Variants in COL4A4 observed in about 807,000 individuals in gnomAD.
COL4A4 encodes the protein collagen type IV alpha 4 chain, also known as collagen alpha-4(IV) chain.
In COL4A4, 105 loss-of-function variants were observed where a neutral mutation model predicts 192.9. The ratio of observed to expected loss-of-function variants is 0.54; its 90% CI spans 0.46 to 0.64. The LOEUF is 0.64. Ranked by LOEUF, COL4A4 falls within the 30% of genes least tolerant of loss-of-function variation. The pLI, the probability that COL4A4 is intolerant of heterozygous loss-of-function variation, is 0.00. For synonymous variants in COL4A4, 762 were observed against 769.9 expected (o/e 0.99, Z 0.17); for missense variants, 1,967 against 2,169.3 (o/e 0.91, Z 1.85).
intron 9 of COL4A4, among the ~76,000 whole-genome samples, chr2:227,109,729 G>C (rs2061083567): frequency 6.7e-6 from 1 of 149,202 alleles, no homozygotes. Context: ...CCTGGCGAAA[G>C]AGCAAGACTC....
At chr2:227,125,829 G>A (rs983940486) in intron 4 of COL4A4, among the ~76,000 whole-genome samples, 2 of 152,032 alleles carry the variant, frequency 1.3e-5, no homozygotes, top group East Asian at 1.9e-4. Flanking sequence ...ACTCTCACCC[G>A]TGACTATCAT....
At chr2:227,094,378 G>T in intron 19 of COL4A4, 89 bp from the exon 20 acceptor site, 4 of 1,372,238 alleles carry the variant, frequency 2.9e-6, no homozygotes, top group Non-Finnish European at 4.0e-6. Context: ...CACTTGCTTA[G>T]GTTATCGAAT....
intron 30 of COL4A4, 85 bp downstream of exon 30, chr2:227,055,860 T>C (rs2150233285): frequency 1.6e-6 from 2 of 1,222,022 alleles, no homozygotes; most frequent in South Asian, 1.3e-5. Flanking sequence ...TAACTCTTTT[T>C]GTGTGGTCAT....
Position 227,041,778 on chromosome 2 carries a change from GGAA to G in COL4A4, c.3505+367_3505+369del, listed in dbSNP as rs1433991606. Among the ~76,000 whole-genome samples, 127 of 68,004 alleles carry G rather than the reference GGAA, an allele frequency of 1.9e-3. 8 individuals are homozygous for G. The highest frequency in any genetic ancestry group is 0.013 in the East Asian group (23 of 1,756). The allele number at this position is 68,004 out of a possible 152,430, so 44.6% of individuals were successfully genotyped here. ...AGGAAGGAAGGAAGGAAGGAAGGAA[GGAA>G]GGAAGGGAAAGAAAGAAAGAAAGGA... is the stretch of plus-strand genomic sequence containing the variant. On this transcript the variant is annotated intron_variant, in intron 37 of 47. Coordinates refer to ENST00000396625, the MANE Select transcript of COL4A4 (RefSeq NM_000092.5).
At chr2:227,104,100 T>C in intron 12 of COL4A4, 48 bp from the exon 13 acceptor site, 1 of 1,538,786 alleles carries the variant, frequency 6.5e-7, no homozygotes, top group Non-Finnish European at 8.9e-7. Flanking sequence ...AATTTATGTT[T>C]TGAAGGTTTT....
At chr2:227,130,940 C>T (rs1161527782) in intron 4 of COL4A4, among the ~76,000 whole-genome samples, 1 of 152,076 alleles carries the variant, frequency 6.6e-6, no homozygotes, top group Non-Finnish European at 1.5e-5. Context: ...ACCCTCCACA[C>T]TCACCCCCTC....
intron 41 of COL4A4, among the ~76,000 whole-genome samples, chr2:227,028,644 TTTATTATTATTATTA>T (rs56914189): frequency 1.2e-3 from 164 of 141,884 alleles, no homozygotes; most frequent in African/African-American, 2.6e-3. Context: ...ATAAAAGAAA[TTTATTATTATTATTA>T]TTATTATTAT....
Position 227,005,203 on chromosome 2 carries a change from GGT to G in COL4A4, c.*2120_*2121del, listed in dbSNP as rs1961839291. On this transcript the variant is annotated 3_prime_UTR_variant, in exon 48 of 48. Transcript: ENST00000396625. ...ACATAATTTAGCCTGTCTTTGTGTGGGTTTTTTTTTTTTACTTATTTATTAAC... is the reference window on the plus strand; with the variant it reads ...ACATAATTTAGCCTGTCTTTGTGTGGTTTTTTTTTTTACTTATTTATTAAC... 3.1e-5 allele frequency: 4 copies of G among 127,980 alleles called. No homozygotes were observed. Among genetic ancestry groups the G allele is most frequent in the South Asian group, 2.8e-4 (1 of 3,578 alleles). 7.9% of individuals were successfully genotyped at this position (127,980 alleles called of 1,614,324 possible). A position where few individuals can be genotyped will look rare whatever the true frequency, so the allele number is the denominator to read the frequency against.
chr2:227,119,748 T>TATATATAGCAAATATTTGCTATATATA, intron 6 of COL4A4, 147 bp downstream of exon 6: 1 of 317,446 alleles, frequency 3.2e-6, no homozygotes, highest in African/African-American at 2.2e-5. Flanking sequence ...TTGCTTGTGG[T>TATATATAGCAAATATTTGCTATATATA]ATATATAGCA....
At chr2:227,035,772 A>G (rs1327320800) in intron 37 of COL4A4, among the ~76,000 whole-genome samples, 1 of 152,104 alleles carries the variant, frequency 6.6e-6, no homozygotes, top group Non-Finnish European at 1.5e-5. Flanking sequence ...ACATGTTTTG[A>G]TCTCCAGCTT....
chr2:227,126,355 C>CCA (rs2062088651), intron 4 of COL4A4, among the ~76,000 whole-genome samples: 1 of 152,138 alleles, frequency 6.6e-6, no homozygotes, highest in Non-Finnish European at 1.5e-5. Flanking sequence ...ATTGTCATTC[C>CCA]TAGAACGTTG....
chr2:227,059,551 GGGCC>G lies in COL4A4; in HGVS notation c.2233_2236del (p.Gly745LeufsTer7). On this transcript the variant is annotated frameshift_variant, in exon 28 of 48. Transcript: ENST00000396625. LOFTEE classifies it high-confidence loss of function. ...ACCATTCACTCCTGGTGAGCCGGGA[GGGCC>G]TGGGGGCCCAACAGGGGAGGACCCC... The G allele has an allele frequency of 6.2e-7, 1 of 1,614,116 alleles. No homozygotes were observed. Among genetic ancestry groups the G allele is most frequent in the Non-Finnish European group, 8.5e-7 (1 of 1,180,018 alleles).
chr2:227,128,590 G>A lies in COL4A4; in HGVS notation c.193-7442C>T, dbSNP rs145390190. On this transcript the variant is annotated intron_variant, in intron 4 of 47. Transcript: ENST00000396625. ...TCTGTTCCTGGCATCATCTAAGCTC[G>A]CCATCCAGCTGCCAGCCTTGTCACC... is the stretch of plus-strand genomic sequence containing the variant. Among the ~76,000 whole-genome samples, 15 of 151,804 alleles carry A rather than the reference G, an allele frequency of 9.9e-5. 1 individual carries two copies. The East Asian group carries it at 2.3e-3, about 24-fold the overall frequency.
intron 7 of COL4A4, 90 bp from the exon 8 acceptor site, chr2:227,114,786 T>C: frequency 2.0e-6 from 2 of 1,013,424 alleles, no homozygotes; most frequent in South Asian, 1.3e-5. Context: ...ACTCATCAGT[T>C]AAAATTACCA....
At chr2:226,988,340 G>C in the COL4A4 span, 1 of 1,549,774 alleles carries the variant, frequency 6.5e-7, no homozygotes, top group Non-Finnish European at 8.7e-7. Flanking sequence ...AGGAAAACCA[G>C]GTCATAAAGA....
chr2:227,106,251 A>AT (rs2060837550), intron 12 of COL4A4, among the ~76,000 whole-genome samples: 1 of 152,180 alleles, frequency 6.6e-6, no homozygotes, highest in African/African-American at 2.4e-5. Context: ...AAAGCATAGC[A>AT]TGTATTGGTA....
At chr2:227,094,434 A>C (rs2060101442) in intron 19 of COL4A4, 145 bp from the exon 20 acceptor site, 1 of 736,678 alleles carries the variant, frequency 1.4e-6, no homozygotes, top group Non-Finnish European at 2.3e-6. Context: ...ATGCTAAGTG[A>C]AATAAGCCAG....
chr2:226,985,177 G>A, the COL4A4 span, among the ~76,000 whole-genome samples: 269 of 152,298 alleles, frequency 1.8e-3, no homozygotes, highest in African/African-American at 6.2e-3. Flanking sequence ...TCACTAACAC[G>A]AGGCAGCATG....
rs1417250238 is a variant in COL4A4, at chr2:227,003,254, A to T, written c.*4071T>A. 1 of 152,178 alleles carries T rather than the reference A, an allele frequency of 6.6e-6. No homozygotes were observed. Among genetic ancestry groups the T allele is most frequent in the Non-Finnish European group, 1.5e-5 (1 of 68,024 alleles). The allele number at this position is 152,178 out of a possible 1,614,324, so 9.4% of individuals were successfully genotyped here. On this transcript the variant is annotated 3_prime_UTR_variant, in exon 48 of 48. Coordinates refer to ENST00000396625, the MANE Select transcript of COL4A4 (RefSeq NM_000092.5). ...AAAGAAATATTTTTCGTATTAGTTT[A>T]TTTTAAATACAAAATGTGACCATAG...
Sources: allele counts gnomAD v4.1 joint callset (sites outside exome capture counted in the v4.1 genomes callset), GRCh38; gene constraint gnomAD v4.1.1; transcripts MANE v1.5; gene names NCBI Gene and HGNC (gene_info 2026-07-23, HGNC 2026-07-21).